Variants in MYO7A observed in about 807,000 individuals in gnomAD.
The protein encoded by MYO7A is myosin VIIA, also known as unconventional myosin-VIIa.
MYO7A carries 210 observed loss-of-function variants against 263.8 expected under a neutral mutation model. The observed-to-expected ratio is 0.80, with a 90% CI of 0.71 to 0.89. MYO7A has a LOEUF of 0.89. Among genes scored for constraint, MYO7A ranks in the 40% least tolerant of loss-of-function variants. The pLI, the probability that MYO7A is intolerant of heterozygous loss-of-function variation, is 0.00. For missense variants in MYO7A, 2,820 were observed against 2,968.3 expected, an observed-to-expected ratio of 0.95 and a Z score of 1.16; for synonymous variants, 1,239 against 1,197.3, an observed-to-expected ratio of 1.03 and a Z score of -0.72.
At chr11:77,212,048 T>G in intron 46 of MYO7A, 111 bp downstream of exon 46, 1 of 919,760 alleles carries the variant, frequency 1.1e-6, no homozygotes, top group Non-Finnish European at 1.7e-6. Context: ...ACACCTGCCC[T>G]GGTGAGGGAA....
intron 37 of MYO7A, among the ~76,000 whole-genome samples, chr11:77,202,678 C>A (rs575029996): frequency 6.6e-6 from 1 of 151,536 alleles, no homozygotes; most frequent in African/African-American, 2.4e-5. Flanking sequence ...GGTGGGGATG[C>A]GGGCTGGAAG....
At chr11:77,173,086 G>A (rs1312955870) in intron 16 of MYO7A, among the ~76,000 whole-genome samples, 2 of 152,220 alleles carry the variant, frequency 1.3e-5, no homozygotes, top group Admixed American at 6.5e-5. Flanking sequence ...ACTCTGCGGG[G>A]GGTTGCAGCA....
At chr11:77,136,732 G>A (rs1950918650) in intron 2 of MYO7A, among the ~76,000 whole-genome samples, 1 of 152,236 alleles carries the variant, frequency 6.6e-6, no homozygotes. Context: ...CCTGACGGAT[G>A]AGGAAAGAAA....
intron 14 of MYO7A, among the ~76,000 whole-genome samples, chr11:77,164,343 C>G (rs1953329227): frequency 6.6e-6 from 1 of 152,100 alleles, no homozygotes; most frequent in African/African-American, 2.4e-5. Context: ...CAAGGGGTCC[C>G]ATGCATAGTC....
chr11:77,160,337 C>T, intron 11 of MYO7A, 55 bp downstream of exon 11: 3 of 1,526,882 alleles, frequency 2.0e-6, no homozygotes, highest in Non-Finnish European at 1.8e-6. Context: ...AAGTTGGGCT[C>T]TTGATGGGCA....
chr11:77,175,399 A>G lies in MYO7A; in HGVS notation c.2122A>G (p.Met708Val), dbSNP rs397516293. The G allele has an allele frequency of 1.3e-4, 210 of 1,613,332 alleles. 2 individuals carry two copies. The South Asian group carries it at 1.7e-3, about 13-fold the overall frequency. The change falls in exon 18 of 49, where the codon ATG (methionine) becomes GTG (valine). Residue 708 changes from methionine to valine, a missense_variant. Physicochemically the swap from Met to Val is conservative, Grantham distance 21. Transcript: ENST00000409709. ...CGACCTCCGCGGGACTTGCCAGCGCATGGCTGAGGCTGTGCTGGGCACCCA... is the reference window on the plus strand; with the variant it reads ...CGACCTCCGCGGGACTTGCCAGCGCGTGGCTGAGGCTGTGCTGGGCACCCA... ...QGDLRGTCQR[M>V]AEAVLGTHDD...
At chr11:77,156,375 A>C (rs1263754585) in intron 5 of MYO7A, among the ~76,000 whole-genome samples, 1 of 152,144 alleles carries the variant, frequency 6.6e-6, no homozygotes, top group African/African-American at 2.4e-5. Context: ...TCAGGCTCCT[A>C]TTTTCTTTTG....
chr11:77,207,241 G>A (rs1330579802), intron 41 of MYO7A, 48 bp from the exon 42 acceptor site: 2 of 1,393,322 alleles, frequency 1.4e-6, no homozygotes, highest in African/African-American at 1.4e-5. Context: ...GGAGGACCAG[G>A]TCCCGGGAAA....
At chr11:77,147,763 C>G in intron 3 of MYO7A, 35 bp from the exon 4 acceptor site, 3 of 1,602,948 alleles carry the variant, frequency 1.9e-6, no homozygotes, top group Non-Finnish European at 2.6e-6. Flanking sequence ...AGCCTGGGCC[C>G]CAGGAGAGCA....
chr11:77,178,097 C>T (rs192711510), intron 19 of MYO7A, among the ~76,000 whole-genome samples: 67 of 151,678 alleles, frequency 4.4e-4, no homozygotes, highest in African/African-American at 1.4e-3. Flanking sequence ...AAAAATTCCA[C>T]AATGCACCCC....
intron 31 of MYO7A, among the ~76,000 whole-genome samples, chr11:77,193,022 G>A (rs1246686630): frequency 7.0e-6 from 1 of 142,694 alleles, no homozygotes; most frequent in Non-Finnish European, 1.5e-5. Flanking sequence ...GGTGGAGGTA[G>A]CGATGGTGTT....
chr11:77,213,974 T>C lies in MYO7A; in HGVS notation c.6553T>C (p.Ser2185Pro). 1 of 1,614,018 alleles carries C rather than the reference T, an allele frequency of 6.2e-7. No individual in the cohort carries two copies. The change falls in exon 48 of 49, where the codon TCA becomes CCA. Residue 2185 changes from serine (S) to proline (P), a missense_variant. Coordinates refer to ENST00000409709, the MANE Select transcript of MYO7A (RefSeq NM_000260.4). ...CGGGAGCAAACTGCTCTGCGAGACG[T>C]CACTGGTGAGGGCGCATCCTGCTGG... ...VRGSKLLCET[S>P]LGYKMDDLLT...
At chr11:77,191,698 C>T (rs1294819863) in intron 30 of MYO7A, among the ~76,000 whole-genome samples, 1 of 152,062 alleles carries the variant, frequency 6.6e-6, no homozygotes, top group Non-Finnish European at 1.5e-5. Flanking sequence ...AGCAGAGGGG[C>T]CCCCGCCCAC....
At chr11:77,158,123 G>A (rs1952668285) in intron 8 of MYO7A, among the ~76,000 whole-genome samples, 154 bp from the exon 9 acceptor site, 1 of 152,118 alleles carries the variant, frequency 6.6e-6, no homozygotes, top group Non-Finnish European at 1.5e-5. Flanking sequence ...TTCTGGAGGA[G>A]TTGTGGTGCT....
intron 2 of MYO7A, among the ~76,000 whole-genome samples, chr11:77,136,650 C>T (rs1237703934): frequency 5.9e-5 from 9 of 152,244 alleles, no homozygotes; most frequent in African/African-American, 1.7e-4. Flanking sequence ...CTAACAGGCA[C>T]CAATCTAGGT....
In MYO7A at chr11:77,156,993, GTCTGTCGCCA is replaced by G; in HGVS notation, c.725_734del (p.Val242GlyfsTer18). ...GCAGTACCTGCTGGAAAAGTCACGT[GTCTGTCGCCA>G]GGTGGGCCTGAGCCCCAGGGATGCA... On this transcript the variant is annotated frameshift_variant and splice_region_variant, in exon 7 of 49. Coordinates refer to ENST00000409709, the MANE Select transcript of MYO7A (RefSeq NM_000260.4). LOFTEE classifies it high-confidence loss of function. 6.2e-7 allele frequency: 1 copy of G among 1,613,256 alleles called. No homozygotes were observed. Among genetic ancestry groups the G allele is most frequent in the Non-Finnish European group, 8.5e-7 (1 of 1,179,638 alleles).
At position 77,207,295 on chromosome 11, in the gene MYO7A, G is replaced by A. The variant is rs780609120; in HGVS notation, c.5749G>A (p.Glu1917Lys). Reference protein sequence around the residue: ...YFPDDTDEAFEVESSTKAKDF... With the variant: ...YFPDDTDEAFKVESSTKAKDF... ...TGCTCACTGCCCCTCCCAGGCCTTCGAAGTGGAGTCCAGCACCAAGGCCAA... is the reference window on the plus strand; with the variant it reads ...TGCTCACTGCCCCTCCCAGGCCTTCAAAGTGGAGTCCAGCACCAAGGCCAA... The change falls in exon 42 of 49, where the codon GAA becomes AAA. Residue 1917 changes from glutamate (E) to lysine (K), a missense_variant. Transcript: ENST00000409709. 63 of 1,609,782 alleles carry A rather than the reference G, an allele frequency of 3.9e-5. No individual in the cohort carries two copies. Among genetic ancestry groups the A allele is most frequent in the Middle Eastern group, 1.7e-4 (1 of 6,044 alleles).
chr11:77,157,286 A>T lies in MYO7A; in HGVS notation c.743A>T (p.Asp248Val). The T allele has an allele frequency of 1.2e-6, 2 of 1,607,666 alleles. No homozygotes were observed. Among genetic ancestry groups the T allele is most frequent in the East Asian group, 4.5e-5 (2 of 44,738 alleles). ...CTGTGCCCACATTTTCAGGCCCTGG[A>T]TGAAAGGAACTACCACGTGTTCTAC... The part of the protein sequence containing the change: ...EKSRVCRQAL[D>V]ERNYHVFYCM... Residue 248 changes from aspartate to valine, a missense_variant, in exon 8 of 49, where the codon GAT (aspartate) becomes GTT (valine). Asp to Val is a radical substitution (Grantham distance 152). Transcript: ENST00000409709.
Position 77,202,425 on chromosome 11 carries a change from G to A in MYO7A, c.5168+1G>A. ...AGGAGTTTTCCTATGACTACTTCAG[G>A]TGATGCCTCCTGGGGAAGGATGGGA... On this transcript the variant is annotated splice_donor_variant, in intron 37 of 48. Coordinates refer to ENST00000409709, the MANE Select transcript of MYO7A (RefSeq NM_000260.4). LOFTEE classifies it high-confidence loss of function. 1 of 1,550,940 alleles carries A rather than the reference G, an allele frequency of 6.4e-7. No individual in the cohort carries two copies. Among genetic ancestry groups the A allele is most frequent in the East Asian group, 2.4e-5 (1 of 40,934 alleles).
Sources: allele counts gnomAD v4.1 joint callset (sites outside exome capture counted in the v4.1 genomes callset), GRCh38; gene constraint gnomAD v4.1.1; transcripts MANE v1.5; gene names NCBI Gene and HGNC (gene_info 2026-07-23, HGNC 2026-07-21).